Variants in ELP4 observed in about 807,000 individuals in gnomAD.
The protein encoded by ELP4 is elongator acetyltransferase complex subunit 4.
Under a neutral mutation model 48.9 loss-of-function variants are expected in ELP4, and 51 were observed. That is an observed-to-expected ratio of 1.04 (90% confidence interval 0.83 to 1.32). ELP4 has a LOEUF of 1.32. Ranked by LOEUF, ELP4 falls within the 40% of genes most tolerant of loss-of-function variation. The pLI, the probability that ELP4 is intolerant of heterozygous loss-of-function variation, is 0.00. For synonymous variants in ELP4, 210 were observed against 189.2 expected (o/e 1.11, Z -0.90); for missense variants, 519 against 514.6 (o/e 1.01, Z -0.08).
At chr11:31,760,719 A>T (rs1947927641) in intron 9 of ELP4, among the ~76,000 whole-genome samples, 1 of 152,206 alleles carries the variant, frequency 6.6e-6, no homozygotes, top group Non-Finnish European at 1.5e-5. Context: ...GATATTCCAG[A>T]TGATTCTAAG....
In ELP4 at chr11:31,790,068, C is replaced by G; in HGVS notation, c.*6544C>G. 2 of 460,370 alleles carry G rather than the reference C, an allele frequency of 4.3e-6. No individual in the cohort carries two copies. Among genetic ancestry groups the G allele is most frequent in the Non-Finnish European group, 6.8e-6 (2 of 293,738 alleles). The allele number at this position is 460,370 out of a possible 1,614,324, so 28.5% of individuals were successfully genotyped here. A position where few individuals can be genotyped will look rare whatever the true frequency, so the allele number is the denominator to read the frequency against. ...CCATGTAGATATTCCCTTTGAGAAA[C>G]AGACATGGAATACAAATTTATAGGT... On this transcript the variant is annotated 3_prime_UTR_variant, in exon 10 of 10. Coordinates refer to ENST00000640961, the MANE Select transcript of ELP4 (RefSeq NM_019040.5).
At chr11:31,599,308 A>G (rs1375010438) in intron 4 of ELP4, 1 of 152,182 alleles carries the variant, frequency 6.6e-6, no homozygotes, top group African/African-American at 2.4e-5. Context: ...TCCAATTTAG[A>G]AAATAGAACC....
intron 3 of ELP4, among the ~76,000 whole-genome samples, chr11:31,543,624 A>G (rs542682277): frequency 3.0e-4 from 45 of 152,332 alleles, no homozygotes; most frequent in African/African-American, 9.4e-4. Flanking sequence ...GAAGAAAACA[A>G]CATCAATGCA....
Position 31,591,722 on chromosome 11 carries a change from G to A in ELP4, c.382-3048G>A, listed in dbSNP as rs182833914. On this transcript the variant is annotated intron_variant, in intron 3 of 9. Coordinates refer to ENST00000640961, the MANE Select transcript of ELP4 (RefSeq NM_019040.5). ...GCAGTTCCTCAAATAGTTAAAAATG[G>A]AATTATCCTGTGACTCGGGAATTCC... Among the ~76,000 whole-genome samples the A allele has an allele frequency of 9.3e-4, 142 of 152,230 alleles. 1 individual carries two copies. The highest frequency in any genetic ancestry group is 3.4e-3 in the Middle Eastern group (1 of 294).
At chr11:31,771,827 A>C (rs1948149837) in intron 9 of ELP4, among the ~76,000 whole-genome samples, 2 of 152,044 alleles carry the variant, frequency 1.3e-5, no homozygotes, top group Non-Finnish European at 2.9e-5. Context: ...AAGATACAAA[A>C]ATTTAGCCGG....
intron 9 of ELP4, among the ~76,000 whole-genome samples, chr11:31,756,786 C>T (rs550972639): frequency 6.6e-6 from 1 of 152,322 alleles, no homozygotes; most frequent in Admixed American, 6.5e-5. Flanking sequence ...ATTTCAGGCT[C>T]TTGCATATTT....
chr11:31,665,543 A>G (rs1435090679), intron 9 of ELP4, among the ~76,000 whole-genome samples: 1 of 151,868 alleles, frequency 6.6e-6, no homozygotes, highest in East Asian at 1.9e-4. Context: ...TATATTATTG[A>G]TATACCATAA....
chr11:31,600,869 C>T (rs569659533), intron 4 of ELP4, among the ~76,000 whole-genome samples: 2 of 152,240 alleles, frequency 1.3e-5, no homozygotes, highest in South Asian at 2.1e-4. Flanking sequence ...TTGTAACATA[C>T]TACAAGTAGA....
chr11:31,680,806 G>A (rs190330957), intron 9 of ELP4, among the ~76,000 whole-genome samples: 5 of 152,248 alleles, frequency 3.3e-5, no homozygotes, highest in Admixed American at 2.0e-4. Flanking sequence ...AAATTGTTAA[G>A]GAAGAACTCT....
intron 9 of ELP4, among the ~76,000 whole-genome samples, chr11:31,741,162 C>G (rs1947437392): frequency 6.6e-6 from 1 of 152,080 alleles, no homozygotes. Context: ...AGTCCGAGAT[C>G]AAACTGCAAG....
At chr11:31,630,327 C>A (rs1944835478) in intron 6 of ELP4, among the ~76,000 whole-genome samples, 1 of 145,618 alleles carries the variant, frequency 6.9e-6, no homozygotes, top group South Asian at 2.2e-4. Context: ...GTTATCTTCT[C>A]TCCTTTTCAT....
intron 3 of ELP4, among the ~76,000 whole-genome samples, chr11:31,545,934 T>TGA (rs1956702024): frequency 6.6e-6 from 1 of 152,036 alleles, no homozygotes; most frequent in Non-Finnish European, 1.5e-5. Flanking sequence ...AAGCAAATGC[T>TGA]GAGGGATTTT....
In ELP4 at chr11:31,668,719, TGTAA is replaced by T. The variant is rs1323669322; in HGVS notation, c.1143+18500_1143+18503del. 2.6e-4 allele frequency among the ~76,000 whole-genome samples: 27 copies of T among 102,066 alleles called. No individual in the cohort carries two copies. The East Asian group carries it at 4.1e-3, about 16-fold the overall frequency. The allele number at this position is 102,066 out of a possible 152,430, so 67.0% of individuals were successfully genotyped here. A position where few individuals can be genotyped will look rare whatever the true frequency, so the allele number is the denominator to read the frequency against. ...GTGTGTGTGTGTGTGTGTGTGTGTG[TGTAA>T]GAACCCTGTAGAGAGAAAAATAAGA... On this transcript the variant is annotated intron_variant, in intron 9 of 9. Transcript: ENST00000640961.
chr11:31,602,457 A>G (rs1957801151), intron 4 of ELP4, among the ~76,000 whole-genome samples: 1 of 151,988 alleles, frequency 6.6e-6, no homozygotes, highest in South Asian at 2.1e-4. Flanking sequence ...GATTGAAAAG[A>G]TTAGATTGAA....
At chr11:31,548,205 T>C (rs1181946009) in intron 3 of ELP4, among the ~76,000 whole-genome samples, 1 of 152,226 alleles carries the variant, frequency 6.6e-6, no homozygotes, top group Non-Finnish European at 1.5e-5. Flanking sequence ...TGTCCCTGTT[T>C]ACAGATGACG....
At chr11:31,672,635 T>A (rs1440739948) in intron 9 of ELP4, among the ~76,000 whole-genome samples, 1 of 151,782 alleles carries the variant, frequency 6.6e-6, no homozygotes, top group Non-Finnish European at 1.5e-5. Flanking sequence ...CTACAAAAAA[T>A]ACAAAAATTA....
intron 7 of ELP4, among the ~76,000 whole-genome samples, chr11:31,640,791 T>G (rs1945078978): frequency 6.6e-6 from 1 of 151,954 alleles, no homozygotes; most frequent in Non-Finnish European, 1.5e-5. Context: ...GGTTTAATAA[T>G]AACTCACTTC....
intron 6 of ELP4, among the ~76,000 whole-genome samples, chr11:31,629,253 G>A (rs557294410): frequency 2.0e-5 from 3 of 151,960 alleles, no homozygotes; most frequent in Admixed American, 1.3e-4. Flanking sequence ...TATTTTGGAT[G>A]TTCTCGTAGG....
At chr11:31,680,667 G>A (rs1211524760) in intron 9 of ELP4, among the ~76,000 whole-genome samples, 1 of 152,152 alleles carries the variant, frequency 6.6e-6, no homozygotes, top group Non-Finnish European at 1.5e-5. Context: ...TAAATTCACT[G>A]CCCTTGAGTG....
Sources: allele counts gnomAD v4.1 joint callset (sites outside exome capture counted in the v4.1 genomes callset), GRCh38; gene constraint gnomAD v4.1.1; transcripts MANE v1.5; gene names NCBI Gene and HGNC (gene_info 2026-07-23, HGNC 2026-07-21).